The following PVR variants were observed in gnomAD, a reference collection of about 807,000 sequenced individuals.
PVR encodes the protein PVR cell adhesion molecule, also known as poliovirus receptor.
A neutral mutation model predicts 43.3 loss-of-function variants in PVR; 39 were observed. The ratio of observed to expected loss-of-function variants is 0.90; its 90% confidence interval spans 0.70 to 1.18. The LOEUF (loss-of-function observed/expected upper bound fraction) is 1.18. PVR is among the 50% of genes most tolerant of loss of function. The probability of loss-of-function intolerance (pLI) is 0.00; values close to 1 mark genes in which losing one functional copy is unlikely to be tolerated. For synonymous variants in PVR, 224 were observed against 233.2 expected (o/e 0.96, Z 0.36); for missense variants, 480 against 549.7 (o/e 0.87, Z 1.27).
intron 6 of PVR, among the ~76,000 whole-genome samples, chr19:44,660,613 C>A (rs549911790): frequency 6.6e-6 from 1 of 152,236 alleles, no homozygotes; most frequent in East Asian, 1.9e-4. Flanking sequence ...GCCTCAACCT[C>A]CCAGGCTCAG....
intron 2 of PVR, among the ~76,000 whole-genome samples, chr19:44,647,965 GCTGTC>G (rs1257867195): frequency 4.6e-5 from 7 of 152,150 alleles, no homozygotes; most frequent in Non-Finnish European, 7.3e-5. Context: ...CCCTTGGAAA[GCTGTC>G]CTGAGTGTCA....
chr19:44,661,550 T>C (rs1204474895), intron 7 of PVR, among the ~76,000 whole-genome samples, 190 bp from the exon 8 acceptor site: 1 of 151,984 alleles, frequency 6.6e-6, no homozygotes, highest in African/African-American at 2.4e-5. Flanking sequence ...CATTTTAATA[T>C]CCGCTCTCTC....
intron 4 of PVR, among the ~76,000 whole-genome samples, chr19:44,655,643 A>T (rs538010431): frequency 2.0e-5 from 3 of 152,202 alleles, no homozygotes; most frequent in Non-Finnish European, 4.4e-5. Context: ...GTCAAAGCAC[A>T]TAGATCCACA....
At chr19:44,645,298 ATT>A (rs1973076706) in intron 1 of PVR, among the ~76,000 whole-genome samples, 1 of 116,178 alleles carries the variant, frequency 8.6e-6, no homozygotes. Context: ...ATAAATATAT[ATT>A]AAATATATTA....
At chr19:44,649,714 C>A in intron 2 of PVR, 95 bp from the exon 3 acceptor site, 1 of 1,376,886 alleles carries the variant, frequency 7.3e-7, no homozygotes, top group Non-Finnish European at 1.0e-6. Flanking sequence ...AGCCACCCCG[C>A]CCAGCAACCA....
chr19:44,652,218 A>G (rs1973301027), intron 3 of PVR, among the ~76,000 whole-genome samples: 1 of 152,176 alleles, frequency 6.6e-6, no homozygotes, highest in African/African-American at 2.4e-5. Context: ...TATTTATTTG[A>G]GACGGGGTCT....
At chr19:44,661,429 C>G (rs1160857794) in intron 7 of PVR, 106 bp downstream of exon 7, 3 of 1,251,178 alleles carry the variant, frequency 2.4e-6, no homozygotes, top group Non-Finnish European at 3.5e-6. Context: ...GTCTTTTCTC[C>G]TGGTGCCTCG....
intron 4 of PVR, among the ~76,000 whole-genome samples, chr19:44,656,275 A>G (rs555291991): frequency 6.6e-6 from 1 of 152,280 alleles, no homozygotes; most frequent in East Asian, 1.9e-4. Flanking sequence ...AACTCTGCAA[A>G]TGCCATGGTG....
In PVR at chr19:44,657,897, C is replaced by T. The variant is rs143934936; in HGVS notation, c.978C>T (p.Thr326=). ...TAGGAGCTCGCCAGGCAGAACTGAC[C>T]GTCCAGGTCAAAGGTGAGGAACTCC... The part of the protein sequence containing the change: ...NALGARQAEL[T]VQVKEGPPSE... The change falls in exon 5 of 8, where the codon ACC becomes ACT. Residue 326 remains threonine, a synonymous_variant. Coordinates refer to ENST00000425690, the MANE Select transcript of PVR (RefSeq NM_006505.5). 17 of 1,613,476 alleles carry T rather than the reference C, an allele frequency of 1.1e-5. No homozygotes were observed. The highest frequency in any genetic ancestry group is 6.7e-5 in the Admixed American group (4 of 59,856).
In PVR at chr19:44,663,907, AC is replaced by A. The variant is rs1364057690; in HGVS notation, c.*2098del. ...GTAGCTGTGACCACAGCTGCCCCTC[AC>A]CATGCTAAGCTAATTTTTTTAATTA... is the stretch of plus-strand genomic sequence containing the variant. On this transcript the variant is annotated 3_prime_UTR_variant, in exon 8 of 8. Coordinates refer to ENST00000425690, the MANE Select transcript of PVR (RefSeq NM_006505.5). 6.6e-6 allele frequency among the ~76,000 whole-genome samples: 1 copy of A among 152,044 alleles called. No homozygotes were observed. The highest frequency in any genetic ancestry group is 2.4e-5 in the African/African-American group (1 of 41,406).
At position 44,661,736 on chromosome 19, in the gene PVR, C is replaced by A. The variant is rs754820205; in HGVS notation, c.1183-4C>A. On this transcript the variant is annotated splice_polypyrimidine_tract_variant and splice_region_variant and intron_variant, in intron 7 of 7. Coordinates refer to ENST00000425690, the MANE Select transcript of PVR (RefSeq NM_006505.5). ...AAGGCTAAAATTTGAAAACCCTCTTCTAGCATGTCTCCTATTCAGCTGTGA... is the reference window on the plus strand; with the variant it reads ...AAGGCTAAAATTTGAAAACCCTCTTATAGCATGTCTCCTATTCAGCTGTGA... The A allele has an allele frequency of 6.2e-7, 1 of 1,613,700 alleles. No individual in the cohort carries two copies. The highest frequency in any genetic ancestry group is 8.5e-7 in the Non-Finnish European group (1 of 1,179,782).
rs555330779 is a variant in PVR at position 44,661,992 on chromosome 19, A to G, written c.*181A>G. On this transcript the variant is annotated 3_prime_UTR_variant, in exon 8 of 8. Transcript: ENST00000425690. ...AGGTCTCCAAGACCACCCTCCTTTC[A>G]TTTGCTAGAAGGACTCACTAGACTC... 2 of 598,258 alleles carry G rather than the reference A, an allele frequency of 3.3e-6. No individual in the cohort carries two copies. The highest frequency in any genetic ancestry group is 2.8e-5 in the East Asian group (1 of 36,020). 37.1% of individuals were successfully genotyped at this position (598,258 alleles called of 1,614,324 possible).
chr19:44,657,638 C>A, intron 4 of PVR, 124 bp from the exon 5 acceptor site: 1 of 927,844 alleles, frequency 1.1e-6, no homozygotes, highest in Non-Finnish European at 1.6e-6. Flanking sequence ...TGGGGGGCCT[C>A]CAGAGTTGCT....
At chr19:44,650,864 TTTTTG>T (rs1255743270) in intron 3 of PVR, among the ~76,000 whole-genome samples, 2 of 151,748 alleles carry the variant, frequency 1.3e-5, no homozygotes, top group Non-Finnish European at 2.9e-5. Context: ...TGTGCCCGGC[TTTTTG>T]TTTTGTTTTG....
intron 1 of PVR, among the ~76,000 whole-genome samples, chr19:44,646,320 C>A (rs1053900517): frequency 6.6e-6 from 1 of 152,148 alleles, no homozygotes; most frequent in Non-Finnish European, 1.5e-5. Flanking sequence ...CCAACCAGGA[C>A]CCACCCAGAG....
At chr19:44,651,839 C>T (rs1367753041) in intron 3 of PVR, among the ~76,000 whole-genome samples, 1 of 152,186 alleles carries the variant, frequency 6.6e-6, no homozygotes, top group Non-Finnish European at 1.5e-5. Flanking sequence ...TTTAAATTCT[C>T]CAGCGGCCAC....
intron 4 of PVR, among the ~76,000 whole-genome samples, chr19:44,656,262 T>C (rs1039204078): frequency 2.0e-5 from 3 of 152,182 alleles, no homozygotes; most frequent in African/African-American, 7.2e-5. Context: ...ATTTTCCATT[T>C]TCAACTCTGC....
chr19:44,661,268 C>T (rs771190528), intron 6 of PVR, 24 bp from the exon 7 acceptor site: 31 of 1,609,388 alleles, frequency 1.9e-5, no homozygotes, highest in African/African-American at 5.3e-5. Context: ...TCCTTCCTGA[C>T]GACTTCCCCT....
In PVR at chr19:44,649,522, C is replaced by T. The variant is rs200086958; in HGVS notation, c.428-287C>T. Reference sequence around the variant, plus strand: ...TCAGCTCACTGCAACCTCCGCCTCCCGAGTTCAAGCAATTCTCTGGTCTCA... The same window carrying T: ...TCAGCTCACTGCAACCTCCGCCTCCTGAGTTCAAGCAATTCTCTGGTCTCA... On this transcript the variant is annotated intron_variant, in intron 2 of 7. Coordinates refer to ENST00000425690, the MANE Select transcript of PVR (RefSeq NM_006505.5). Among the ~76,000 whole-genome samples, 20 of 151,746 alleles carry T rather than the reference C, an allele frequency of 1.3e-4. 1 individual carries two copies. The East Asian group carries it at 3.3e-3, about 25-fold the overall frequency.
Sources: allele counts gnomAD v4.1 joint callset (sites outside exome capture counted in the v4.1 genomes callset), GRCh38; gene constraint gnomAD v4.1.1; transcripts MANE v1.5; gene names NCBI Gene and HGNC (gene_info 2026-07-23, HGNC 2026-07-21).